The following TRERF1 variants were observed in gnomAD, a reference collection of about 807,000 sequenced individuals.
TRERF1 encodes the protein transcriptional-regulating factor 1.
A neutral mutation model predicts 122.9 loss-of-function variants in TRERF1; 27 were observed. That is an observed-to-expected ratio of 0.22 (90% CI 0.16 to 0.30). The LOEUF (loss-of-function observed/expected upper bound fraction) is 0.30. Ranked by LOEUF, TRERF1 falls within the 10% of genes least tolerant of loss-of-function variation. TRERF1 has a pLI of 1.00. For missense variants in TRERF1, 1,248 were observed against 1,560.3 expected, an observed-to-expected ratio of 0.80 and a Z score of 3.37; for synonymous variants, 636 against 641.7, an observed-to-expected ratio of 0.99 and a Z score of 0.13.
intron 4 of TRERF1, among the ~76,000 whole-genome samples, chr6:42,299,583 A>C (rs9462797): frequency 0.01 from 1,550 of 152,228 alleles, 11 homozygotes; most frequent in African/African-American, 0.018. Flanking sequence ...AGAACATATT[A>C]TAGATGATTT....
rs559656271 is a variant in TRERF1, at chr6:42,336,958, G to A, written c.-371+26039C>T. Among the ~76,000 whole-genome samples the A allele has an allele frequency of 4.6e-5, 7 of 152,354 alleles. No individual in the cohort carries two copies. The East Asian group carries it at 1.4e-3, about 29-fold the overall frequency. ...CCGGCTCTATGGAGCCTTGGCTCTA[G>A]CAAGCGCCAGAGAGAGCAGCTCATG... is the stretch of plus-strand genomic sequence containing the variant. On this transcript the variant is annotated intron_variant, in intron 3 of 17. Transcript: ENST00000372922.
chr6:42,445,361 C>G (rs7747818), intron 2 of TRERF1, among the ~76,000 whole-genome samples: 1,132 of 58,662 alleles, frequency 0.019, 4 homozygotes, highest in African/African-American at 0.027. Context: ...CAGACACACA[C>G]ACACACACAC....
chr6:42,297,526 G>A (rs1459319771), intron 4 of TRERF1, among the ~76,000 whole-genome samples: 1 of 152,210 alleles, frequency 6.6e-6, no homozygotes, highest in Non-Finnish European at 1.5e-5. Flanking sequence ...TCGACTTGGT[G>A]AATGAGAAGT....
At chr6:42,441,661 T>C (rs1321777621) in intron 2 of TRERF1, among the ~76,000 whole-genome samples, 1 of 150,000 alleles carries the variant, frequency 6.7e-6, no homozygotes, top group Non-Finnish European at 1.5e-5. Context: ...AAACCAGAGG[T>C]TTAAAAAAAA....
chr6:42,234,011 C>T (rs182657243), intron 16 of TRERF1, among the ~76,000 whole-genome samples: 1 of 152,208 alleles, frequency 6.6e-6, no homozygotes, highest in Non-Finnish European at 1.5e-5. Flanking sequence ...TCATTTTGGG[C>T]TGGATAATTC....
At chr6:42,345,011 C>G (rs149816607) in intron 3 of TRERF1, among the ~76,000 whole-genome samples, 90 of 152,214 alleles carry the variant, frequency 5.9e-4, no homozygotes, top group African/African-American at 2.1e-3. Context: ...AATGAGTGAG[C>G]AAGTGAACCT....
At chr6:42,421,297 C>T (rs1374135165) in intron 2 of TRERF1, among the ~76,000 whole-genome samples, 1 of 152,086 alleles carries the variant, frequency 6.6e-6, no homozygotes, top group Non-Finnish European at 1.5e-5. Flanking sequence ...TCCATTCTTA[C>T]TCTCACTAAT....
At chr6:42,407,048 A>T (rs966409936) in intron 2 of TRERF1, among the ~76,000 whole-genome samples, 2 of 152,218 alleles carry the variant, frequency 1.3e-5, no homozygotes, top group African/African-American at 4.8e-5. Context: ...AAGGTCATCT[A>T]GCTCCCAAGT....
At chr6:42,362,330 G>A (rs757021832) in intron 3 of TRERF1, among the ~76,000 whole-genome samples, 30 of 152,188 alleles carry the variant, frequency 2.0e-4, no homozygotes, top group Non-Finnish European at 3.5e-4. Flanking sequence ...CACACACACC[G>A]AAATAATCAA....
chr6:42,283,611 C>CT (rs869206003), intron 4 of TRERF1, among the ~76,000 whole-genome samples: 2,786 of 107,910 alleles, frequency 0.026, 50 homozygotes, highest in Non-Finnish European at 0.031. Flanking sequence ...ATGAAAAAAA[C>CT]TTTTTTTTTT....
At chr6:42,359,369 T>C (rs1771252842) in intron 3 of TRERF1, among the ~76,000 whole-genome samples, 2 of 152,188 alleles carry the variant, frequency 1.3e-5, no homozygotes, top group Non-Finnish European at 1.5e-5. Flanking sequence ...ACTGTGTAGC[T>C]GGTTCAGGAA....
intron 3 of TRERF1, among the ~76,000 whole-genome samples, chr6:42,321,152 CAAAA>C (rs34358572): frequency 1.9e-5 from 2 of 103,404 alleles, no homozygotes; most frequent in Non-Finnish European, 2.2e-5. Flanking sequence ...TCTTCCAAGC[CAAAA>C]AAAAAAAAAA....
intron 5 of TRERF1, among the ~76,000 whole-genome samples, chr6:42,266,643 A>T (rs1326300842): frequency 2.0e-5 from 3 of 152,080 alleles, no homozygotes; most frequent in African/African-American, 7.2e-5. Context: ...TTTCTATCCA[A>T]CCAGTTCCCA....
At chr6:42,293,705 TG>T (rs989220147) in intron 4 of TRERF1, among the ~76,000 whole-genome samples, 38 of 152,056 alleles carry the variant, frequency 2.5e-4, no homozygotes, top group Admixed American at 6.6e-4. Flanking sequence ...CATTTTCAGA[TG>T]GGGTTCTTTT....
intron 3 of TRERF1, among the ~76,000 whole-genome samples, chr6:42,357,576 A>C (rs1322396634): frequency 6.6e-6 from 1 of 152,152 alleles, no homozygotes; most frequent in African/African-American, 2.4e-5. Context: ...TAGAATTAGG[A>C]CACCTTTTGC....
At chr6:42,236,979 G>C (rs1225894290) in intron 15 of TRERF1, among the ~76,000 whole-genome samples, 3 of 152,244 alleles carry the variant, frequency 2.0e-5, no homozygotes, top group Admixed American at 1.3e-4. Flanking sequence ...TCAGAAAATA[G>C]AGTGAAAGGA....
intron 9 of TRERF1, among the ~76,000 whole-genome samples, chr6:42,258,493 A>G (rs1196582722): frequency 6.6e-6 from 1 of 152,244 alleles, no homozygotes; most frequent in Non-Finnish European, 1.5e-5. Context: ...TAGCCTCTCT[A>G]TGCTTGATTT....
chr6:42,403,185 G>C (rs1456583322), intron 2 of TRERF1, among the ~76,000 whole-genome samples: 1 of 152,058 alleles, frequency 6.6e-6, no homozygotes, highest in African/African-American at 2.4e-5. Context: ...GAAAGTGGGA[G>C]GGAAATAAGG....
chr6:42,438,602 T>A (rs1398474282), intron 2 of TRERF1, among the ~76,000 whole-genome samples: 2 of 146,052 alleles, frequency 1.4e-5, no homozygotes, highest in African/African-American at 4.9e-5. Context: ...AGAGTGAGAC[T>A]CTGTCTCAAA....
Sources: gnomAD v4.1 joint callset for allele counts (sites outside exome capture counted in the v4.1 genomes callset) on GRCh38, gnomAD v4.1.1 for gene constraint, MANE v1.5 for transcripts, NCBI Gene and HGNC (gene_info 2026-07-23, HGNC 2026-07-21) for gene names.